AMZ2: variants seen among roughly 807,000 people sequenced by gnomAD.
AMZ2 encodes the protein archaelysin family metallopeptidase 2.
In AMZ2, 26 loss-of-function variants were observed where a neutral mutation model predicts 36.7. The ratio of observed to expected loss-of-function variants is 0.71; its 90% CI spans 0.52 to 0.98. The LOEUF is 0.98. Among genes scored for constraint, AMZ2 ranks in the 50% least tolerant of loss-of-function variants. The pLI, the probability that AMZ2 is intolerant of heterozygous loss-of-function variation, is 0.00. For missense variants in AMZ2, 394 were observed against 430.5 expected (o/e 0.92, Z 0.75); for synonymous variants, 144 against 149.1 (o/e 0.97, Z 0.25).
chr17:68,223,866 C>A (rs1407152172), intron 1 of AMZ2, among the ~76,000 whole-genome samples: 1 of 149,998 alleles, frequency 6.7e-6, no homozygotes, highest in Non-Finnish European at 1.5e-5. Context: ...CAGGCGTGCA[C>A]CACCACACCC....
chr17:68,250,828 A>T lies in AMZ2; in HGVS notation c.318A>T (p.Glu106Asp). ...GAAACACCAGAATTATCAGTGAAGA[A>T]TATATTAAATGGCTCACGGGCTACT... ...SLGNTRIISE[E>D]YIKWLTGYCK... The change falls in exon 3 of 7, where the codon GAA (glutamate) becomes GAT (aspartate). Residue 106 changes from glutamate (E) to aspartate (D), a missense_variant. Glu to Asp is a conservative substitution (Grantham distance 45, BLOSUM62 2). Transcript: ENST00000359904. 1 of 1,591,826 alleles carries T rather than the reference A, an allele frequency of 6.3e-7. No homozygotes were observed. Among genetic ancestry groups the T allele is most frequent in the Non-Finnish European group, 8.5e-7 (1 of 1,174,514 alleles).
rs782255012 is a variant in AMZ2 at position 68,254,457 on chromosome 17, T to A, written c.640T>A (p.Tyr214Asn). 2.8e-5 allele frequency: 45 copies of A among 1,613,640 alleles called. No homozygotes were observed. The East Asian group carries it at 1.0e-3, about 36-fold the overall frequency. Reference sequence around the variant, plus strand: ...TGGCAGTGATTTTTATAGCATGCACTATAAAGGCAAAGTGAAGAAGCTCAA... The same window carrying A: ...TGGCAGTGATTTTTATAGCATGCACAATAAAGGCAAAGTGAAGAAGCTCAA... ...RYGSDFYSMH[Y>N]KGKVKKLKKT... is the part of the protein sequence containing the mutation. Residue 214 changes from tyrosine (Y) to asparagine (N), a missense_variant, in exon 5 of 7, where the codon TAT (tyrosine) becomes AAT (asparagine). Transcript: ENST00000359904.
chr17:68,242,718 C>T (rs547472083), intron 1 of AMZ2, among the ~76,000 whole-genome samples: 1 of 152,170 alleles, frequency 6.6e-6, no homozygotes, highest in South Asian at 2.1e-4. Flanking sequence ...CAACCAAGCA[C>T]ATATTTTTAA....
At chr17:68,238,700 G>C (rs1379690193) in intron 1 of AMZ2, among the ~76,000 whole-genome samples, 1 of 152,100 alleles carries the variant, frequency 6.6e-6, no homozygotes, top group East Asian at 1.9e-4. Context: ...CAGCCCCAAA[G>C]GCCTTACTGA....
intron 1 of AMZ2, among the ~76,000 whole-genome samples, chr17:68,223,592 T>C (rs146586045): frequency 3.9e-5 from 6 of 152,192 alleles, no homozygotes; most frequent in Non-Finnish European, 7.3e-5. Context: ...CAGGCTGGAG[T>C]GCAGTGGCAC....
chr17:68,211,866 A>ATGTG (rs1286703079), intron 1 of AMZ2, among the ~76,000 whole-genome samples: 1 of 136,862 alleles, frequency 7.3e-6, no homozygotes, highest in South Asian at 2.5e-4. Flanking sequence ...ATATGTATAT[A>ATGTG]TGTGTGTGTA....
intron 1 of AMZ2, among the ~76,000 whole-genome samples, chr17:68,234,921 A>C (rs2073751747): frequency 1.3e-5 from 2 of 152,234 alleles, no homozygotes; most frequent in African/African-American, 4.8e-5. Flanking sequence ...AGGCTGAGGC[A>C]GGAGAATCGC....
upstream of AMZ2, chr17:68,247,607 C>T: frequency 2.0e-6 from 2 of 983,894 alleles, no homozygotes; most frequent in African/African-American, 1.7e-5. Context: ...GGGTGACGGC[C>T]CCGGGGAGCG....
chr17:68,214,346 G>C (rs1479958138), intron 1 of AMZ2, among the ~76,000 whole-genome samples: 3 of 152,172 alleles, frequency 2.0e-5, no homozygotes, highest in African/African-American at 7.2e-5. Context: ...CCTGTGTCCT[G>C]CTTGAAGCAT....
rs1167359382 is a variant in AMZ2 at position 68,209,464 on chromosome 17, G to T, written c.-67+3226G>T. Among the ~76,000 whole-genome samples, 8 of 151,908 alleles carry T rather than the reference G, an allele frequency of 5.3e-5. No homozygotes were observed. In the East Asian group the frequency reaches 1.5e-3, roughly 29 times the overall value. ...CTGCCTCTGCCTCCCAAAGTGTTGG[G>T]ATTACAGGCGTGAGCCACTATGCCC... On this transcript the variant is annotated intron_variant, in intron 1 of 7. Coordinates refer to the AMZ2 transcript ENST00000674770.
chr17:68,223,117 T>C (rs2073411428), intron 1 of AMZ2, among the ~76,000 whole-genome samples: 1 of 152,126 alleles, frequency 6.6e-6, no homozygotes, highest in African/African-American at 2.4e-5. Flanking sequence ...TGGTAAGATA[T>C]TAATTGTCCG....
intron 1 of AMZ2, chr17:68,249,124 G>C: frequency 1.2e-5 from 14 of 1,177,938 alleles, no homozygotes; most frequent in Non-Finnish European, 1.5e-5. Flanking sequence ...TTAGTCATCT[G>C]ATGTCTTCCC....
At chr17:68,219,155 C>T (rs2073278576) in intron 1 of AMZ2, among the ~76,000 whole-genome samples, 1 of 152,140 alleles carries the variant, frequency 6.6e-6, no homozygotes, top group Admixed American at 6.5e-5. Context: ...TTAGTAGAGA[C>T]AGGGTTTCAC....
intron 1 of AMZ2, among the ~76,000 whole-genome samples, chr17:68,234,096 C>G (rs1375488808): frequency 6.6e-6 from 1 of 152,128 alleles, no homozygotes; most frequent in Non-Finnish European, 1.5e-5. Flanking sequence ...CTTTGTGAGG[C>G]TGAGGCAGGC....
chr17:68,254,619 T>TGGAGGCCGGGCGCGGTGGCTCACG, intron 5 of AMZ2, 52 bp downstream of exon 5: 3 of 1,450,582 alleles, frequency 2.1e-6, no homozygotes, highest in Non-Finnish European at 1.9e-6. Context: ...AGATCTTAGT[T>TGGAGGCCGGGCGCGGTGGCTCACG]CCGTAAACTG....
chr17:68,210,092 A>G (rs1323866634), intron 1 of AMZ2, among the ~76,000 whole-genome samples: 4 of 152,248 alleles, frequency 2.6e-5, no homozygotes, highest in African/African-American at 9.6e-5. Flanking sequence ...GTTAGAGAGA[A>G]TGTAAAACCA....
chr17:68,206,192 C>T, exon 1 of AMZ2: 7 of 1,304,852 alleles, frequency 5.4e-6, no homozygotes, highest in Non-Finnish European at 6.9e-6. Flanking sequence ...CCAGTTACTG[C>T]ACAGAAAGCA....
At chr17:68,230,931 A>C (rs1162705889) in intron 1 of AMZ2, among the ~76,000 whole-genome samples, 1 of 152,208 alleles carries the variant, frequency 6.6e-6, no homozygotes, top group African/African-American at 2.4e-5. Flanking sequence ...TTTTTATTGA[A>C]AACTAGGGAA....
intron 1 of AMZ2, among the ~76,000 whole-genome samples, chr17:68,238,534 ATG>A (rs879991155): frequency 0.22 from 32,892 of 151,856 alleles, 4,007 homozygotes; most frequent in East Asian, 0.4. Flanking sequence ...TATATGCCAT[ATG>A]TATATATATA....
Sources: gnomAD v4.1 joint callset for allele counts (sites outside exome capture counted in the v4.1 genomes callset) on GRCh38, gnomAD v4.1.1 for gene constraint, MANE v1.5 for transcripts, NCBI Gene and HGNC (gene_info 2026-07-23, HGNC 2026-07-21) for gene names.